Variants in KIAA1217 observed in about 807,000 individuals in gnomAD.
KIAA1217 encodes the protein KIAA1217, also known as sickle tail protein homolog.
A neutral mutation model predicts 163.9 loss-of-function variants in KIAA1217; 88 were observed. The observed-to-expected ratio is 0.54, with a 90% CI of 0.45 to 0.64. The LOEUF is 0.64. Among genes scored for constraint, KIAA1217 ranks in the 30% least tolerant of loss-of-function variants. The probability of loss-of-function intolerance (pLI) is 0.00; values close to 1 mark genes in which losing one functional copy is unlikely to be tolerated. For missense variants in KIAA1217, 2,372 were observed against 2,475.0 expected, an observed-to-expected ratio of 0.96 and a Z score of 0.88; for synonymous variants, 903 against 923.1, an observed-to-expected ratio of 0.98 and a Z score of 0.39.
chr10:23,735,748 T>G (rs1482021257), intron 1 of KIAA1217, among the ~76,000 whole-genome samples: 3 of 152,182 alleles, frequency 2.0e-5, no homozygotes, highest in Non-Finnish European at 4.4e-5. Flanking sequence ...TCTTTTCACT[T>G]TCTTTGTGAT....
chr10:24,384,270 T>C (rs1281114735), intron 3 of KIAA1217, among the ~76,000 whole-genome samples: 1 of 134,300 alleles, frequency 7.4e-6, no homozygotes. Context: ...AAAATTTTGA[T>C]GGTTTATCAT....
chr10:24,243,674 G>A (rs556708131), intron 2 of KIAA1217, among the ~76,000 whole-genome samples: 1 of 151,120 alleles, frequency 6.6e-6, no homozygotes, highest in South Asian at 2.1e-4. Flanking sequence ...ATCTATGAAT[G>A]TGTAGAATAT....
intron 2 of KIAA1217, among the ~76,000 whole-genome samples, chr10:24,189,040 A>G (rs1374675317): frequency 6.7e-6 from 1 of 149,144 alleles, no homozygotes; most frequent in Non-Finnish European, 1.5e-5. Context: ...CGGGAGATGG[A>G]GCTTGCAGTG....
intron 1 of KIAA1217, among the ~76,000 whole-genome samples, chr10:23,792,654 G>A (rs1050494337): frequency 4.0e-5 from 6 of 149,476 alleles, no homozygotes; most frequent in Non-Finnish European, 8.9e-5. Context: ...CACCACGCCC[G>A]GCTAATTTTT....
intron 2 of KIAA1217, among the ~76,000 whole-genome samples, chr10:24,256,959 A>G (rs2075229752): frequency 6.6e-6 from 1 of 152,238 alleles, no homozygotes; most frequent in Non-Finnish European, 1.5e-5. Flanking sequence ...AAGAAGGCCC[A>G]GGGAGTTGGA....
chr10:23,712,467 A>T (rs1837322739), intron 1 of KIAA1217, among the ~76,000 whole-genome samples: 1 of 151,960 alleles, frequency 6.6e-6, no homozygotes, highest in Admixed American at 6.6e-5. Flanking sequence ...AGTGCAGTCA[A>T]CTCAGTACAG....
chr10:23,883,812 G>C (rs768938833), intron 1 of KIAA1217, among the ~76,000 whole-genome samples: 11 of 151,848 alleles, frequency 7.2e-5, no homozygotes, highest in Non-Finnish European at 1.5e-4. Flanking sequence ...GACAACAACT[G>C]ATCTTCTTAC....
chr10:23,724,457 C>A (rs1838028738), intron 1 of KIAA1217, among the ~76,000 whole-genome samples: 1 of 151,922 alleles, frequency 6.6e-6, no homozygotes, highest in South Asian at 2.1e-4. Context: ...TTCTATATTT[C>A]TTATGCTTAA....
rs192866768 is a variant in KIAA1217 at position 24,408,041 on chromosome 10, A to T, written c.554-24954A>T. Among the ~76,000 whole-genome samples the T allele has an allele frequency of 1.4e-4, 22 of 152,300 alleles. 1 individual carries two copies. In the East Asian group the frequency reaches 4.3e-3, roughly 29 times the overall value. ...GGTCATATAGCATGTGGTTAACAGC[A>T]TAGACTCTAAAGCCAGACAGCCTGG... On this transcript the variant is annotated intron_variant, in intron 3 of 20. Coordinates refer to ENST00000376454, the MANE Select transcript of KIAA1217 (RefSeq NM_019590.5).
rs1017516596 is a variant in KIAA1217, at chr10:24,386,210, A to C, written c.553+5143A>C. The stretch of plus-strand genomic sequence containing the variant: ...GCAACAAACTGCCTCTGAAACACTC[A>C]GACTGAAAAAGCAAAAATGATCTTA... On this transcript the variant is annotated intron_variant, in intron 3 of 20. Transcript: ENST00000376454. Among the ~76,000 whole-genome samples the C allele has an allele frequency of 9.2e-5, 14 of 152,196 alleles. 1 individual carries two copies. The highest frequency in any genetic ancestry group is 3.1e-4 in the African/African-American group (13 of 41,452).
chr10:24,277,218 C>T (rs962119931), intron 2 of KIAA1217, among the ~76,000 whole-genome samples: 16 of 152,234 alleles, frequency 1.1e-4, no homozygotes, highest in East Asian at 1.9e-4. Context: ...GTCATGGCAG[C>T]GCTCAACCTG....
intron 1 of KIAA1217, among the ~76,000 whole-genome samples, chr10:23,867,470 G>C (rs1404191644): frequency 6.6e-6 from 1 of 152,190 alleles, no homozygotes; most frequent in Non-Finnish European, 1.5e-5. Flanking sequence ...CCCATCAACA[G>C]TTTAAAAGTG....
chr10:24,194,647 C>T (rs563878814), intron 2 of KIAA1217, among the ~76,000 whole-genome samples: 125 of 151,802 alleles, frequency 8.2e-4, no homozygotes, highest in African/African-American at 2.8e-3. Flanking sequence ...GATCACAGCT[C>T]ATTGCAGCCA....
rs549927732 is a variant in KIAA1217 at position 23,926,451 on chromosome 10, G to A, written c.-320-80774G>A. Among the ~76,000 whole-genome samples the A allele has an allele frequency of 1.4e-3, 217 of 152,282 alleles. 3 individuals are homozygous for A. The highest frequency in any genetic ancestry group is 4.8e-3 in the African/African-American group (200 of 41,558). ...GTCCTGTTTCAAAGGTAGGCCCGGA[G>A]CAGTGGCTCACGCCTGTAATCCCAA... On this transcript the variant is annotated intron_variant, in intron 1 of 18. Transcript: ENST00000376462.
At chr10:23,767,528 G>T (rs916843764) in intron 1 of KIAA1217, among the ~76,000 whole-genome samples, 54 of 152,290 alleles carry the variant, frequency 3.5e-4, no homozygotes, top group African/African-American at 1.3e-3. Context: ...TTGAGCCTAG[G>T]AGTTTGAGAC....
At chr10:24,483,298 C>T (rs147652339) in intron 6 of KIAA1217, among the ~76,000 whole-genome samples, 3 of 152,288 alleles carry the variant, frequency 2.0e-5, no homozygotes, top group African/African-American at 4.8e-5. Flanking sequence ...TGGGCCACTC[C>T]ACCTCCATCT....
At position 23,790,499 on chromosome 10, in the gene KIAA1217, G is replaced by A. The variant is rs560204070; in HGVS notation, c.-321+95265G>A. On this transcript the variant is annotated intron_variant, in intron 1 of 18. Transcript: ENST00000376462. ...CATGTGCATATATACATATATACAT[G>A]TGCATATATACATATGTATATATAC... is the stretch of plus-strand genomic sequence containing the variant. Among the ~76,000 whole-genome samples the A allele has an allele frequency of 7.7e-4, 68 of 88,676 alleles. 9 individuals carry two copies. Among genetic ancestry groups the A allele is most frequent in the Admixed American group, 4.9e-3 (39 of 7,924 alleles). The allele number at this position is 88,676 out of a possible 152,430, so 58.2% of individuals were successfully genotyped here.
chr10:24,522,379 AATTG>A (rs1332625827), intron 12 of KIAA1217, among the ~76,000 whole-genome samples: 1 of 152,176 alleles, frequency 6.6e-6, no homozygotes, highest in Non-Finnish European at 1.5e-5. Context: ...GAAGTTGAAA[AATTG>A]ATTGAAATAG....
chr10:24,470,057 G>A (rs1036136888), intron 5 of KIAA1217, among the ~76,000 whole-genome samples: 7 of 152,226 alleles, frequency 4.6e-5, no homozygotes, highest in East Asian at 1.9e-4. Context: ...AATTTATCTC[G>A]ATGTTTGTTT....
Sources: allele counts gnomAD v4.1 joint callset (sites outside exome capture counted in the v4.1 genomes callset), GRCh38; gene constraint gnomAD v4.1.1; transcripts MANE v1.5; gene names NCBI Gene and HGNC (gene_info 2026-07-23, HGNC 2026-07-21).